The following EIF2B5 variants were observed in gnomAD, a reference collection of about 807,000 sequenced individuals.
The protein encoded by EIF2B5 is eukaryotic translation initiation factor 2B subunit epsilon.
A neutral mutation model predicts 87.3 loss-of-function variants in EIF2B5; 38 were observed. The ratio of observed to expected loss-of-function variants is 0.44; its 90% CI spans 0.34 to 0.57. The LOEUF (loss-of-function observed/expected upper bound fraction) is 0.57, where lower values mean the gene tolerates loss of function less well. Among genes scored for constraint, EIF2B5 ranks in the 20% least tolerant of loss-of-function variants. EIF2B5 has a pLI of 0.02. For synonymous variants in EIF2B5, 313 were observed against 339.6 expected (o/e 0.92, Z 0.86); for missense variants, 784 against 909.5 (o/e 0.86, Z 1.78).
At position 184,144,670 on chromosome 3, in the gene EIF2B5, C is replaced by T; in HGVS notation, c.2069C>T (p.Thr690Ile). ...TILSWFSQRD[T>I]TDKGQQLRKN... ...CTGAGCTGGTTCAGCCAAAGAGATA[C>T]AACTGACAAGGGCCAGCAGTTGCGC... The change falls in exon 15 of 16, where the codon ACA becomes ATA. Residue 690 changes from threonine (T) to isoleucine (I), a missense_variant. Thr to Ile is a moderately conservative substitution (Grantham distance 89). Transcript: ENST00000648915. 1 of 1,614,116 alleles carries T rather than the reference C, an allele frequency of 6.2e-7. No individual in the cohort carries two copies. The highest frequency in any genetic ancestry group is 8.5e-7 in the Non-Finnish European group (1 of 1,180,006).
At position 184,139,556 on chromosome 3, in the gene EIF2B5, C is replaced by T. The variant is rs573268452; in HGVS notation, c.766-524C>T. ...TCGGCCTCCCAAAGTGCTGGCATTA[C>T]GGGCATGAGCCACTGCACCTGGCCT... On this transcript the variant is annotated intron_variant, in intron 5 of 15. Coordinates refer to ENST00000648915, the MANE Select transcript of EIF2B5 (RefSeq NM_003907.3). 9.5e-4 allele frequency among the ~76,000 whole-genome samples: 142 copies of T among 149,960 alleles called. 1 individual carries two copies. The highest frequency in any genetic ancestry group is 8.2e-3 in the South Asian group (38 of 4,614).
chr3:184,136,957 G>GT (rs1713389865), intron 2 of EIF2B5: 4 of 612,694 alleles, frequency 6.5e-6, no homozygotes, highest in South Asian at 3.9e-5. Flanking sequence ...ATAAACTTGG[G>GT]TTTTTTCTGA....
intron 2 of EIF2B5, chr3:184,137,164 T>C (rs1713401810): frequency 5.9e-6 from 2 of 339,304 alleles, no homozygotes. Context: ...TAGTGAGCAC[T>C]TACATGTTTG....
chr3:184,144,812 G>A lies in EIF2B5; in HGVS notation c.2107-72G>A, dbSNP rs532470266. On this transcript the variant is annotated intron_variant, in intron 15 of 15. Coordinates refer to ENST00000648915, the MANE Select transcript of EIF2B5 (RefSeq NM_003907.3). ...TTCTGGGGCTCTGGTTGTTAGAGCT[G>A]TTTATCTGCCGAGGGGAGCAGGAGA... 3 of 1,588,500 alleles carry A rather than the reference G, an allele frequency of 1.9e-6. No homozygotes were observed. In the Admixed American group the frequency reaches 5.3e-5, roughly 28 times the overall value.
In EIF2B5 at chr3:184,142,514, CAGA is replaced by C; in HGVS notation, c.1460_1462del (p.Glu487del). On this transcript the variant is annotated inframe_deletion, in exon 10 of 16. Transcript: ENST00000648915. The surrounding 1 kb of genome is among the most constrained non-coding windows in gnomAD (Gnocchi z 5.0). ...TTGCCTTTTCCAGGTTACAATCCAGCAGAAGTAGGAGCTGCTGGCAAGGGCTAC... is the reference window on the plus strand; with the variant it reads ...TTGCCTTTTCCAGGTTACAATCCAGCAGTAGGAGCTGCTGGCAAGGGCTAC... The C allele has an allele frequency of 6.2e-7, 1 of 1,614,144 alleles. No homozygotes were observed. The highest frequency in any genetic ancestry group is 8.5e-7 in the Non-Finnish European group (1 of 1,180,028).
At chr3:184,143,736 T>G in intron 13 of EIF2B5, 171 bp downstream of exon 13, 1 of 951,556 alleles carries the variant, frequency 1.1e-6, no homozygotes, top group South Asian at 1.4e-5. Flanking sequence ...TCAGATTGAG[T>G]TCAATACTGA....
chr3:184,143,628 C>T, intron 13 of EIF2B5, 63 bp downstream of exon 13: 1 of 1,611,992 alleles, frequency 6.2e-7, no homozygotes, highest in African/African-American at 1.3e-5. Context: ...CAGGAGTAGA[C>T]TGTCTTGTTA....
Position 184,144,587 on chromosome 3 carries a change from C to T in EIF2B5, c.1996-10C>T. ...AGGCCCCTGAGGTCCCCTTTATTGGCCTTTTGCAGGTACTGATGGCTTTCT... is the reference window on the plus strand; with the variant it reads ...AGGCCCCTGAGGTCCCCTTTATTGGTCTTTTGCAGGTACTGATGGCTTTCT... On this transcript the variant is annotated splice_polypyrimidine_tract_variant and intron_variant, in intron 14 of 15. Transcript: ENST00000648915. The T allele has an allele frequency of 6.2e-7, 1 of 1,613,186 alleles. No individual in the cohort carries two copies. Among genetic ancestry groups the T allele is most frequent in the Non-Finnish European group, 8.5e-7 (1 of 1,179,346 alleles).
In EIF2B5 at chr3:184,137,635, C is replaced by T. The variant is rs139538250; in HGVS notation, c.336C>T (p.Cys112=). Residue 112 remains cysteine (C), a synonymous_variant, in exon 3 of 16, where the codon TGC becomes TGT. Coordinates refer to ENST00000648915, the MANE Select transcript of EIF2B5 (RefSeq NM_003907.3). ...CTTCCTTTAGGAAGTCAAAGTGGTG[C>T]CGCCCTACATCTCTCAATGTGGTTC... ...IKEHLLKSKW[C]RPTSLNVVRI... The T allele has an allele frequency of 5.0e-6, 8 of 1,614,154 alleles. No individual in the cohort carries two copies. Among genetic ancestry groups the T allele is most frequent in the Non-Finnish European group, 6.8e-6 (8 of 1,180,028 alleles).
Position 184,142,847 on chromosome 3 carries a change from G to A in EIF2B5, c.1615G>A (p.Asp539Asn). The change falls in exon 11 of 16, where the codon GAC (aspartate) becomes AAC (asparagine). Residue 539 changes from aspartate (D) to asparagine (N), a missense_variant. Physicochemically the swap from Asp to Asn is conservative, Grantham distance 23. Transcript: ENST00000648915. The surrounding 1 kb of genome is among the most constrained non-coding windows in gnomAD (Gnocchi z 5.0). ...GCAAAGTATGGATTCTGAGGAGCCGGACAGCCGGGGAGGCTCCCCTCAGAT... is the reference window on the plus strand; with the variant it reads ...GCAAAGTATGGATTCTGAGGAGCCGAACAGCCGGGGAGGCTCCCCTCAGAT... Reference protein sequence around the residue: ...SEQSMDSEEPDSRGGSPQMDD... With the variant: ...SEQSMDSEEPNSRGGSPQMDD... 1 of 1,614,102 alleles carries A rather than the reference G, an allele frequency of 6.2e-7. No homozygotes were observed. The highest frequency in any genetic ancestry group is 8.5e-7 in the Non-Finnish European group (1 of 1,180,028).
rs779984946 is a variant in EIF2B5, at chr3:184,135,446, G to A, written c.61G>A (p.Gly21Ser). ...VVVSRANKRS[G>S]AGPGGSGGGG... ...GGTTAGTCGGGCTAACAAGCGCAGC[G>A]GCGCGGGGCCGGGAGGCAGCGGTGG... Residue 21 changes from glycine to serine, a missense_variant, in exon 1 of 16, where the codon GGC becomes AGC. Gly to Ser is a moderately conservative substitution (Grantham distance 56, BLOSUM62 0). Transcript: ENST00000648915. The A allele has an allele frequency of 6.3e-6, 10 of 1,581,212 alleles. No individual in the cohort carries two copies. The highest frequency in any genetic ancestry group is 1.2e-5 in the South Asian group (1 of 86,726).
chr3:184,138,368 AT>A, intron 5 of EIF2B5, 122 bp downstream of exon 5: 1 of 996,408 alleles, frequency 1.0e-6, no homozygotes. Context: ...TTTTACTTTT[AT>A]TTTTTGAGAC....
chr3:184,137,648 C>G lies in EIF2B5; in HGVS notation c.349C>G (p.Leu117Val), dbSNP rs1365253275. ...GTCAAAGTGGTGCCGCCCTACATCT[C>G]TCAATGTGGTTCGAATAATTACATC... ...LKSKWCRPTS[L>V]NVVRIITSEL... The change falls in exon 3 of 16, where the codon CTC becomes GTC. Residue 117 changes from leucine to valine, a missense_variant. Transcript: ENST00000648915. The G allele has an allele frequency of 1.2e-6, 2 of 1,614,104 alleles. No individual in the cohort carries two copies. The highest frequency in any genetic ancestry group is 1.7e-6 in the Non-Finnish European group (2 of 1,180,056).
intron 5 of EIF2B5, chr3:184,139,003 T>G: frequency 4.5e-6 from 1 of 223,580 alleles, no homozygotes; most frequent in South Asian, 4.0e-5. Context: ...GGAGCCTCGC[T>G]CTGTCGCCCA....
chr3:184,143,065 A>G lies in EIF2B5; in HGVS notation c.1668A>G (p.Glu556=), dbSNP rs755318484. ...QMDDIKVFQN[E]VLGTLQRGKE... ...CTTTGATTTCAGTGTTCCAGAATGA[A>G]GTTTTAGGAACACTACAGCGGGGCA... The change falls in exon 12 of 16, where the codon GAA becomes GAG. Residue 556 remains glutamate, a synonymous_variant. Coordinates refer to ENST00000648915, the MANE Select transcript of EIF2B5 (RefSeq NM_003907.3). The G allele has an allele frequency of 3.1e-6, 5 of 1,613,632 alleles. No individual in the cohort carries two copies. Among genetic ancestry groups the G allele is most frequent in the Non-Finnish European group, 4.2e-6 (5 of 1,179,790 alleles).
Position 184,142,726 on chromosome 3 carries a change from C to T in EIF2B5, c.1547-53C>T, listed in dbSNP as rs1354005404. 8.9e-6 allele frequency: 14 copies of T among 1,570,428 alleles called. No homozygotes were observed. The East Asian group carries it at 3.2e-4, about 36-fold the overall frequency. On this transcript the variant is annotated intron_variant, in intron 10 of 15. Coordinates refer to ENST00000648915, the MANE Select transcript of EIF2B5 (RefSeq NM_003907.3). This position sits in a 1 kb window ranked among gnomAD's most constrained non-coding sequence, Gnocchi z 5.0. ...TCAGGCAGACAGGGCAGGTATATTG[C>T]TCTCTGTCAATGACTCTTTTTTTCT... is the stretch of plus-strand genomic sequence containing the variant.
chr3:184,139,270 A>AT (rs1196978595), intron 5 of EIF2B5, among the ~76,000 whole-genome samples: 30,201 of 48,068 alleles, frequency 0.63, 12,941 homozygotes, highest in Non-Finnish European at 0.73. Flanking sequence ...TGCACCCAGC[A>AT]TTTTTTTTTT....
chr3:184,139,218 G>A (rs572655157), intron 5 of EIF2B5, among the ~76,000 whole-genome samples: 4 of 145,286 alleles, frequency 2.8e-5, no homozygotes, highest in South Asian at 2.2e-4. Flanking sequence ...TGATCCTCCC[G>A]CCTTGGCCTC....
intron 7 of EIF2B5, 27 bp downstream of exon 7, chr3:184,140,757 A>G: frequency 6.2e-7 from 1 of 1,613,128 alleles, no homozygotes; most frequent in Non-Finnish European, 8.5e-7. Context: ...AATCAAGCCA[A>G]CTATCCTAGG....
Sources: gnomAD v4.1 joint callset for allele counts (sites outside exome capture counted in the v4.1 genomes callset) on GRCh38, gnomAD v4.1.1 for gene constraint, Gnocchi (gnomAD v3.1) non-coding constraint, MANE v1.5 for transcripts, NCBI Gene and HGNC (gene_info 2026-07-23, HGNC 2026-07-21) for gene names.